PRPH2: variants seen among roughly 807,000 people sequenced by gnomAD.
The protein encoded by PRPH2 is peripherin 2, also known as peripherin-2.
Under a neutral mutation model 31.3 loss-of-function variants are expected in PRPH2, and 17 were observed. The ratio of observed to expected loss-of-function variants is 0.54; its 90% CI spans 0.37 to 0.81. The LOEUF (loss-of-function observed/expected upper bound fraction) is 0.81. Among genes scored for constraint, PRPH2 ranks in the 40% least tolerant of loss-of-function variants. The pLI is 0.00. For synonymous variants in PRPH2, 165 were observed against 184.4 expected, an observed-to-expected ratio of 0.89 and a Z score of 0.85; for missense variants, 430 against 439.7, an observed-to-expected ratio of 0.98 and a Z score of 0.20.
chr6:42,704,785 A>C (rs2152005465), intron 1 of PRPH2, among the ~76,000 whole-genome samples, 174 bp from the exon 2 acceptor site: 1 of 152,352 alleles, frequency 6.6e-6, no homozygotes, highest in East Asian at 1.9e-4. Context: ...AAGACAAAAA[A>C]ATGAATAAAT....
In PRPH2 at chr6:42,698,271, G is replaced by T; in HGVS notation, c.*24C>A. 6.2e-7 allele frequency: 1 copy of T among 1,612,854 alleles called. No homozygotes were observed. The highest frequency in any genetic ancestry group is 8.5e-7 in the Non-Finnish European group (1 of 1,179,714). Reference sequence around the variant, plus strand: ...TGGAGTGCACTATTTCTCAGTGTTCGGGAGGGGAGGGGCCCCAGGGCCCTC... The same window carrying T: ...TGGAGTGCACTATTTCTCAGTGTTCTGGAGGGGAGGGGCCCCAGGGCCCTC... On this transcript the variant is annotated 3_prime_UTR_variant, in exon 3 of 3. Coordinates refer to ENST00000230381, the MANE Select transcript of PRPH2 (RefSeq NM_000322.5).
chr6:42,713,236 A>C (rs898367096), intron 1 of PRPH2, among the ~76,000 whole-genome samples: 3 of 151,694 alleles, frequency 2.0e-5, no homozygotes, highest in Non-Finnish European at 4.4e-5. Flanking sequence ...AAAAAAAAAA[A>C]AGAGAAAGAA....
intron 1 of PRPH2, among the ~76,000 whole-genome samples, chr6:42,713,224 CAA>C (rs113027921): frequency 5.0e-5 from 7 of 139,494 alleles, no homozygotes; most frequent in Admixed American, 7.2e-5. Context: ...AACTCCATCT[CAA>C]AAAAAAAAAA....
chr6:42,705,159 G>A (rs542418404), intron 1 of PRPH2, among the ~76,000 whole-genome samples: 5 of 152,214 alleles, frequency 3.3e-5, no homozygotes, highest in African/African-American at 9.6e-5. Flanking sequence ...CCCCAGCCAG[G>A]TGGGAGCTCC....
At chr6:42,698,657 C>G in intron 2 of PRPH2, 150 bp from the exon 3 acceptor site, 1 of 1,096,352 alleles carries the variant, frequency 9.1e-7, no homozygotes, top group South Asian at 1.4e-5. Context: ...CTGCCCCACG[C>G]TGCCCTGTCC....
rs375090109 is a variant in PRPH2, at chr6:42,722,120, C to G, written c.215G>C (p.Cys72Ser). The G allele has an allele frequency of 3.0e-5, 49 of 1,614,148 alleles. No homozygotes were observed. Among genetic ancestry groups the G allele is most frequent in the Non-Finnish European group, 4.1e-5 (48 of 1,180,020 alleles). The change falls in exon 1 of 3, where the codon TGT becomes TCT. Residue 72 changes from cysteine to serine, a missense_variant. Physicochemically the swap from Cys to Ser is moderately radical, Grantham distance 112. Transcript: ENST00000230381. This position sits in a 1 kb window ranked among gnomAD's most constrained non-coding sequence, Gnocchi z 4.4. The stretch of plus-strand genomic sequence containing the variant: ...CTTCCCAGCCAGCGAGTTGAAGACA[C>G]AGGATAGCACCCCCATCCCTATCAA... ...NSLIGMGVLS[C>S]VFNSLAGKIC...
At chr6:42,700,123 G>A (rs536197733) in intron 2 of PRPH2, among the ~76,000 whole-genome samples, 65 of 152,054 alleles carry the variant, frequency 4.3e-4, no homozygotes, top group African/African-American at 1.2e-3. Flanking sequence ...TTGGCACCAC[G>A]CCTGGCTAAT....
At chr6:42,703,098 G>C (rs1300660272) in intron 2 of PRPH2, among the ~76,000 whole-genome samples, 5 of 150,462 alleles carry the variant, frequency 3.3e-5, no homozygotes, top group Non-Finnish European at 7.4e-5. Context: ...AGAAGGCTGA[G>C]GTGGGAAGAG....
intron 1 of PRPH2, chr6:42,711,958 AAACT>A: frequency 1.0e-5 from 10 of 985,436 alleles, no homozygotes; most frequent in Non-Finnish European, 1.2e-5. Flanking sequence ...GAAGTGTTGT[AAACT>A]GACTGAAGAC....
chr6:42,713,455 G>A (rs1380788336), intron 1 of PRPH2, among the ~76,000 whole-genome samples: 4 of 152,110 alleles, frequency 2.6e-5, no homozygotes, highest in Admixed American at 6.5e-5. Flanking sequence ...TACCACAGGC[G>A]CCGCAGAGCC....
intron 1 of PRPH2, among the ~76,000 whole-genome samples, chr6:42,707,213 ATC>A (rs1800185573): frequency 6.6e-6 from 1 of 151,990 alleles, no homozygotes; most frequent in Admixed American, 6.6e-5. Flanking sequence ...ATATTTTCGT[ATC>A]TGTCTGTGGA....
chr6:42,721,651 G>A (rs1761902602), intron 1 of PRPH2, 103 bp downstream of exon 1: 4 of 1,348,746 alleles, frequency 3.0e-6, no homozygotes, highest in Non-Finnish European at 4.2e-6. Context: ...ACCCGATGGA[G>A]AGGAAAAGGC....
intron 1 of PRPH2, among the ~76,000 whole-genome samples, chr6:42,710,963 G>T (rs1365126336): frequency 6.6e-6 from 1 of 152,182 alleles, no homozygotes; most frequent in Admixed American, 6.5e-5. Flanking sequence ...ACTCGACAGG[G>T]GATGGTGGAA....
intron 1 of PRPH2, among the ~76,000 whole-genome samples, chr6:42,706,232 C>T (rs1342274656): frequency 1.3e-5 from 2 of 151,702 alleles, no homozygotes; most frequent in African/African-American, 2.4e-5. Flanking sequence ...GGTGAAACCC[C>T]GTCTCTACTA....
At chr6:42,708,587 G>A (rs1308115531) in intron 1 of PRPH2, among the ~76,000 whole-genome samples, 1 of 152,132 alleles carries the variant, frequency 6.6e-6, no homozygotes, top group Non-Finnish European at 1.5e-5. Flanking sequence ...CTTCCCCCAA[G>A]ACCTTCCCCA....
intron 2 of PRPH2, among the ~76,000 whole-genome samples, chr6:42,699,367 A>G (rs2152004084): frequency 6.6e-6 from 1 of 151,930 alleles, no homozygotes; most frequent in South Asian, 2.1e-4. Flanking sequence ...CAGCCCTTCC[A>G]TTATTTTGAT....
At chr6:42,709,334 T>TAACAAA (rs1800231374) in intron 1 of PRPH2, among the ~76,000 whole-genome samples, 1 of 77,048 alleles carries the variant, frequency 1.3e-5, no homozygotes, top group Non-Finnish European at 2.6e-5. Flanking sequence ...TGTCTCAAAT[T>TAACAAA]AAAAAAAAAA....
intron 1 of PRPH2, among the ~76,000 whole-genome samples, chr6:42,708,581 C>G (rs1354091149): frequency 6.6e-6 from 1 of 152,146 alleles, no homozygotes; most frequent in African/African-American, 2.4e-5. Flanking sequence ...TCCCTTCTTC[C>G]CCCAAGACCT....
chr6:42,713,344 C>A (rs977944897), intron 1 of PRPH2, among the ~76,000 whole-genome samples: 1 of 152,154 alleles, frequency 6.6e-6, no homozygotes, highest in Non-Finnish European at 1.5e-5. Flanking sequence ...GAGCCTCCTC[C>A]AAGTGTAGCA....
Sources: gnomAD v4.1 joint callset for allele counts (sites outside exome capture counted in the v4.1 genomes callset) on GRCh38, gnomAD v4.1.1 for gene constraint, Gnocchi (gnomAD v3.1) non-coding constraint, MANE v1.5 for transcripts, NCBI Gene and HGNC (gene_info 2026-07-23, HGNC 2026-07-21) for gene names.